Variants in RPS6KA2 observed in about 807,000 individuals in gnomAD.
RPS6KA2 encodes ribosomal protein S6 kinase alpha-2.
Under a neutral mutation model 91.8 loss-of-function variants are expected in RPS6KA2, and 42 were observed. That is an observed-to-expected ratio of 0.46 (90% CI 0.36 to 0.59). The LOEUF is 0.59. RPS6KA2 is among the 20% of genes least tolerant of loss of function. The probability of loss-of-function intolerance (pLI) is 0.00; values close to 1 mark genes in which losing one functional copy is unlikely to be tolerated. For synonymous variants in RPS6KA2, 414 were observed against 393.6 expected, an observed-to-expected ratio of 1.05 and a Z score of -0.61; for missense variants, 798 against 978.5, an observed-to-expected ratio of 0.82 and a Z score of 2.46.
intron 1 of RPS6KA2, among the ~76,000 whole-genome samples, chr6:166,574,510 T>C (rs1784785243): frequency 6.6e-6 from 1 of 152,236 alleles, no homozygotes; most frequent in South Asian, 2.1e-4. Flanking sequence ...TATGGCTGTG[T>C]AGTATTCTAT....
chr6:166,734,759 C>G (rs1790628688), intron 2 of RPS6KA2, among the ~76,000 whole-genome samples: 1 of 152,222 alleles, frequency 6.6e-6, no homozygotes, highest in African/African-American at 2.4e-5. Flanking sequence ...GGAACTGGTG[C>G]TAAGCAGTGC....
intron 2 of RPS6KA2, among the ~76,000 whole-genome samples, chr6:166,731,103 G>A (rs1313657561): frequency 3.3e-5 from 5 of 152,164 alleles, no homozygotes; most frequent in African/African-American, 1.2e-4. Flanking sequence ...TTAGCCGGGC[G>A]TGCTGGCGCA....
intron 8 of RPS6KA2, among the ~76,000 whole-genome samples, chr6:166,492,720 C>CTTTTTTTTT (rs10533292): frequency 5.0e-5 from 7 of 141,168 alleles, no homozygotes; most frequent in African/African-American, 1.9e-4. Context: ...TTTTTCTTTT[C>CTTTTTTTTT]TTTTTTTTTT....
intron 11 of RPS6KA2, among the ~76,000 whole-genome samples, chr6:166,467,101 AACTCACTCCCTCATTC>A (rs996373564): frequency 6.8e-5 from 6 of 88,462 alleles, no homozygotes; most frequent in East Asian, 6.6e-4. Context: ...TTCACTCTCT[AACTCACTCCCTCATTC>A]ACTCACTCCC....
intron 10 of RPS6KA2, among the ~76,000 whole-genome samples, chr6:166,476,634 G>T (rs1436469813): frequency 6.6e-6 from 1 of 152,156 alleles, no homozygotes; most frequent in East Asian, 1.9e-4. Flanking sequence ...GGGTGAGGAG[G>T]TCGAGAGGCA....
At chr6:166,676,411 G>A (rs899154487) in intron 2 of RPS6KA2, among the ~76,000 whole-genome samples, 31 of 152,086 alleles carry the variant, frequency 2.0e-4, no homozygotes, top group African/African-American at 7.5e-4. Context: ...GCCCCAGGCC[G>A]GTCTCCCCTA....
chr6:166,753,005 T>G (rs1448556303), intron 2 of RPS6KA2, among the ~76,000 whole-genome samples: 1 of 152,232 alleles, frequency 6.6e-6, no homozygotes, highest in Non-Finnish European at 1.5e-5. Context: ...TCTGTGGGTT[T>G]AGTCACTGCA....
At chr6:166,762,323 TCAAAG>T (rs1583090866) in intron 2 of RPS6KA2, among the ~76,000 whole-genome samples, 1 of 152,154 alleles carries the variant, frequency 6.6e-6, no homozygotes, top group Admixed American at 6.5e-5. Context: ...TTAGCACCGT[TCAAAG>T]CAATTGGTAT....
intron 2 of RPS6KA2, among the ~76,000 whole-genome samples, chr6:166,708,789 G>A (rs1789763950): frequency 6.6e-6 from 1 of 152,170 alleles, no homozygotes; most frequent in Non-Finnish European, 1.5e-5. Flanking sequence ...AATTGAACTT[G>A]CTCACTTTCA....
chr6:166,641,358 A>G (rs1787425917), intron 2 of RPS6KA2, among the ~76,000 whole-genome samples: 1 of 152,196 alleles, frequency 6.6e-6, no homozygotes, highest in African/African-American at 2.4e-5. Context: ...ACAAGAGATT[A>G]TAAAATGACC....
intron 2 of RPS6KA2, among the ~76,000 whole-genome samples, chr6:166,721,781 C>T (rs1790180925): frequency 6.6e-6 from 1 of 152,210 alleles, no homozygotes; most frequent in Non-Finnish European, 1.5e-5. Context: ...CTTGCAACCT[C>T]GCTCATCAGC....
In RPS6KA2 at chr6:166,762,484, TA is replaced by T. The variant is rs553216763; in HGVS notation, c.123+95715del. 6.6e-5 allele frequency among the ~76,000 whole-genome samples: 10 copies of T among 152,260 alleles called. No homozygotes were observed. The East Asian group carries it at 1.9e-3, about 29-fold the overall frequency. Reference sequence around the variant, plus strand: ...CGTAGTCCCTGGCACATGGAGTGTGTAAAGTCATGTTCTTAAGTGAAAGTAT... The same window carrying T: ...CGTAGTCCCTGGCACATGGAGTGTGTAAGTCATGTTCTTAAGTGAAAGTAT... On this transcript the variant is annotated intron_variant, in intron 2 of 21. Transcript: ENST00000503859.
At chr6:166,685,017 T>A (rs1037280476) in intron 2 of RPS6KA2, among the ~76,000 whole-genome samples, 12 of 152,200 alleles carry the variant, frequency 7.9e-5, no homozygotes, top group Non-Finnish European at 1.8e-4. Flanking sequence ...AAGAGGGAGA[T>A]GTCACTGCGG....
chr6:166,822,983 A>G (rs1449266512), intron 2 of RPS6KA2, among the ~76,000 whole-genome samples: 1 of 152,228 alleles, frequency 6.6e-6, no homozygotes, highest in African/African-American at 2.4e-5. Context: ...GAATGAGGGT[A>G]TCACTCTTTG....
At chr6:166,832,036 T>TGATTGATA (rs1391392635) in intron 2 of RPS6KA2, among the ~76,000 whole-genome samples, 125 of 148,050 alleles carry the variant, frequency 8.4e-4, no homozygotes, top group African/African-American at 3.0e-3. Flanking sequence ...AGATGATACA[T>TGATTGATA]GATAGATAGA....
At chr6:166,631,489 G>A (rs1487693472), upstream of RPS6KA2, among the ~76,000 whole-genome samples, 3 of 152,216 alleles carry the variant, frequency 2.0e-5, no homozygotes, top group South Asian at 2.1e-4. Flanking sequence ...CACCTCCCCC[G>A]CCAGCCCGCT....
In RPS6KA2 at chr6:166,756,629, C is replaced by T. The variant is rs1778017612; in HGVS notation, c.123+101571G>A. Among the ~76,000 whole-genome samples the T allele has an allele frequency of 2.6e-5, 4 of 152,174 alleles. No homozygotes were observed. The South Asian group carries it at 8.3e-4, about 32-fold the overall frequency. On this transcript the variant is annotated intron_variant, in intron 2 of 21. Transcript: ENST00000503859. ...TTGGGAGGCCAAGGTGGGTGGATCA[C>T]CTGAGGTCAGGAGTTCGAGACCAAC...
chr6:166,657,617 C>T (rs1249233107), intron 2 of RPS6KA2, among the ~76,000 whole-genome samples: 2 of 152,106 alleles, frequency 1.3e-5, no homozygotes, highest in African/African-American at 2.4e-5. Context: ...GCAGAGCATT[C>T]GACAGATGAT....
At chr6:166,486,146 T>A (rs1282114848) in intron 10 of RPS6KA2, among the ~76,000 whole-genome samples, 2 of 152,164 alleles carry the variant, frequency 1.3e-5, no homozygotes, top group African/African-American at 4.8e-5. Context: ...TTGGTTGGAA[T>A]CTCAGGTCCC....
Sources: allele counts gnomAD v4.1 joint callset (sites outside exome capture counted in the v4.1 genomes callset), GRCh38; gene constraint gnomAD v4.1.1; transcripts MANE v1.5; gene names NCBI Gene and HGNC (gene_info 2026-07-23, HGNC 2026-07-21).